AADAC: variants seen among roughly 807,000 people sequenced by gnomAD.
The protein encoded by AADAC is arylacetamide deacetylase (esterase).
Under a neutral mutation model 22.7 loss-of-function variants are expected in AADAC, and 17 were observed. The ratio of observed to expected loss-of-function variants is 0.75; its 90% confidence interval spans 0.51 to 1.12. AADAC has a LOEUF of 1.12. Ranked by LOEUF, AADAC falls within the 50% of genes most tolerant of loss-of-function variation. The pLI, the probability that AADAC is intolerant of heterozygous loss-of-function variation, is 0.00. For synonymous variants in AADAC, 167 were observed against 176.3 expected, an observed-to-expected ratio of 0.95 and a Z score of 0.42; for missense variants, 465 against 473.9, an observed-to-expected ratio of 0.98 and a Z score of 0.17.
At chr3:151,823,035 T>G (rs1576644168) in intron 3 of AADAC, among the ~76,000 whole-genome samples, 1 of 152,102 alleles carries the variant, frequency 6.6e-6, no homozygotes, top group South Asian at 2.1e-4. Context: ...ATCCCAGCAC[T>G]TTGGGAGGCC....
chr3:151,814,963 G>GAGATTT (rs1223185316), intron 1 of AADAC, among the ~76,000 whole-genome samples: 2 of 151,906 alleles, frequency 1.3e-5, no homozygotes, highest in Admixed American at 6.6e-5. Context: ...TCTCTTTTCA[G>GAGATTT]AACTTAAACC....
At position 151,817,936 on chromosome 3, in the gene AADAC, A is replaced by G. The variant is rs558330579; in HGVS notation, c.361+348A>G. Among the ~76,000 whole-genome samples, 28 of 152,042 alleles carry G rather than the reference A, an allele frequency of 1.8e-4. 1 individual carries two copies. The highest frequency in any genetic ancestry group is 6.2e-4 in the South Asian group (3 of 4,828). ...TTACTATATGTCTGGTAATATTTTT[A>G]TATCTTTGAATATATTTTTGAATTG... On this transcript the variant is annotated intron_variant, in intron 2 of 4. Coordinates refer to ENST00000232892, the MANE Select transcript of AADAC (RefSeq NM_001086.3).
chr3:151,823,571 G>A (rs949120527), intron 3 of AADAC, among the ~76,000 whole-genome samples: 4 of 151,872 alleles, frequency 2.6e-5, no homozygotes, highest in African/African-American at 9.7e-5. Context: ...TAAGATACCT[G>A]CATATACTCG....
At chr3:151,823,364 T>TA (rs1716334918) in intron 3 of AADAC, among the ~76,000 whole-genome samples, 1 of 151,916 alleles carries the variant, frequency 6.6e-6, no homozygotes, top group Non-Finnish European at 1.5e-5. Flanking sequence ...TATATGTGGG[T>TA]ATAGACATAT....
intron 3 of AADAC, among the ~76,000 whole-genome samples, chr3:151,820,695 T>TTTTTTTTTGAGACGGAG (rs1369513949): frequency 5.5e-5 from 5 of 91,286 alleles, no homozygotes; most frequent in African/African-American, 1.9e-4. Flanking sequence ...TTTTTTTATT[T>TTTTTTTTTGAGACGGAG]TCGGTAGAGA....
At position 151,815,382 on chromosome 3, in the gene AADAC, G is replaced by A. The variant is rs71306563; in HGVS notation, c.138+1082G>A. Among the ~76,000 whole-genome samples the A allele has an allele frequency of 3.4e-3, 524 of 152,154 alleles. 7 individuals carry two copies. Among genetic ancestry groups the A allele is most frequent in the Non-Finnish European group, 4.0e-3 (270 of 67,956 alleles). ...TATTGACAAGTCCAAGAAATCATAT[G>A]AAACATTTGGGTTTAATGGGGAAAT... is the stretch of plus-strand genomic sequence containing the variant. On this transcript the variant is annotated intron_variant, in intron 1 of 4. Transcript: ENST00000232892.
chr3:151,817,578 G>A lies in AADAC; in HGVS notation c.351G>A (p.Val117=), dbSNP rs768596519. The change falls in exon 2 of 5, where the codon GTG becomes GTA. Residue 117 remains valine (V), a synonymous_variant. Transcript: ENST00000232892. ...LFYIHGGGWC[V]GSAALSGYDL... ...ACATCCATGGTGGAGGCTGGTGCGTGGGAAGTGCTGGTAAGTGAATGCTTT... is the reference window on the plus strand; with the variant it reads ...ACATCCATGGTGGAGGCTGGTGCGTAGGAAGTGCTGGTAAGTGAATGCTTT... 3.5e-5 allele frequency: 57 copies of A among 1,612,970 alleles called. No homozygotes were observed. The South Asian group carries it at 6.3e-4, about 18-fold the overall frequency.
At chr3:151,814,788 C>T (rs1268317924) in intron 1 of AADAC, among the ~76,000 whole-genome samples, 1 of 151,932 alleles carries the variant, frequency 6.6e-6, no homozygotes, top group Non-Finnish European at 1.5e-5. Context: ...GGGTTAACCA[C>T]GAGACGGCAC....
rs770754775 is a variant in AADAC, at chr3:151,827,964, G to A, written c.992G>A (p.Gly331Asp). ...TTGGCTGATGACAACAAATTACGTG[G>A]CTTACCCCTGACCTATGTCATCACC... ...PLLADDNKLR[G>D]LPLTYVITCQ... Residue 331 changes from glycine (G) to aspartate (D), a missense_variant, in exon 5 of 5, where the codon GGC (glycine) becomes GAC (aspartate). Transcript: ENST00000232892. 6.2e-7 allele frequency: 1 copy of A among 1,611,640 alleles called. No homozygotes were observed. Among genetic ancestry groups the A allele is most frequent in the East Asian group, 2.2e-5 (1 of 44,840 alleles).
intron 3 of AADAC, among the ~76,000 whole-genome samples, chr3:151,822,350 A>C (rs994195104): frequency 7.2e-5 from 11 of 152,050 alleles, no homozygotes; most frequent in African/African-American, 2.7e-4. Context: ...AAAAACTTGT[A>C]TGTTCACAGA....
chr3:151,826,958 AG>A (rs1353533162), intron 4 of AADAC, among the ~76,000 whole-genome samples: 1 of 151,942 alleles, frequency 6.6e-6, no homozygotes, highest in East Asian at 1.9e-4. Context: ...TCTGTCTCCC[AG>A]GCTGGAGTGC....
intron 3 of AADAC, among the ~76,000 whole-genome samples, chr3:151,822,461 A>C (rs563343838): frequency 1.3e-5 from 2 of 152,214 alleles, no homozygotes; most frequent in East Asian, 1.9e-4. Context: ...AATATTTGAA[A>C]TTCAATTGAA....
Position 151,827,961 on chromosome 3 carries a change from G to C in AADAC, c.989G>C (p.Arg330Pro). 3 of 1,611,050 alleles carry C rather than the reference G, an allele frequency of 1.9e-6. No homozygotes were observed. The highest frequency in any genetic ancestry group is 2.5e-6 in the Non-Finnish European group (3 of 1,178,124). Residue 330 changes from arginine to proline, a missense_variant, in exon 5 of 5, where the codon CGT becomes CCT. Physicochemically the swap from Arg to Pro is moderately radical, Grantham distance 103. Coordinates refer to ENST00000232892, the MANE Select transcript of AADAC (RefSeq NM_001086.3). ...TTGTTGGCTGATGACAACAAATTAC[G>C]TGGCTTACCCCTGACCTATGTCATC... ...APLLADDNKL[R>P]GLPLTYVITC...
chr3:151,826,560 TTTA>T (rs1264295188), intron 4 of AADAC, among the ~76,000 whole-genome samples: 1 of 151,986 alleles, frequency 6.6e-6, no homozygotes, highest in Non-Finnish European at 1.5e-5. Context: ...TATCTGTACT[TTTA>T]TTTAGAAGTT....
At chr3:151,824,961 CTATTAA>C (rs777865228) in intron 4 of AADAC, 127 bp downstream of exon 4, 17 of 683,490 alleles carry the variant, frequency 2.5e-5, no homozygotes, top group African/African-American at 5.6e-5. Context: ...TTTTTTGAAA[CTATTAA>C]AGAGAATATT....
intron 1 of AADAC, among the ~76,000 whole-genome samples, chr3:151,815,226 G>A (rs1560308763): frequency 6.6e-6 from 1 of 151,984 alleles, no homozygotes; most frequent in Non-Finnish European, 1.5e-5. Flanking sequence ...TGCATGGTGA[G>A]AAAAAGCCAT....
intron 1 of AADAC, among the ~76,000 whole-genome samples, chr3:151,815,045 T>G (rs1715926700): frequency 6.6e-6 from 1 of 152,064 alleles, no homozygotes. Context: ...TCTCAAATCC[T>G]ATTAGGCAAA....
chr3:151,818,458 C>A (rs1337466442), intron 2 of AADAC, among the ~76,000 whole-genome samples: 4 of 151,996 alleles, frequency 2.6e-5, no homozygotes, highest in Admixed American at 2.0e-4. Flanking sequence ...ATCAGGCACC[C>A]TCCTGAACCA....
intron 1 of AADAC, among the ~76,000 whole-genome samples, chr3:151,816,339 G>A (rs1352441084): frequency 6.6e-6 from 1 of 152,054 alleles, no homozygotes; most frequent in Non-Finnish European, 1.5e-5. Flanking sequence ...AAAAGACTTA[G>A]GAAAAGGTAT....
Sources: allele counts gnomAD v4.1 joint callset (sites outside exome capture counted in the v4.1 genomes callset), GRCh38; gene constraint gnomAD v4.1.1; transcripts MANE v1.5; gene names NCBI Gene and HGNC (gene_info 2026-07-23, HGNC 2026-07-21).